Variants in OR2L13 observed in about 807,000 individuals in gnomAD.
The protein encoded by OR2L13 is olfactory receptor family 2 subfamily L member 13, also known as olfactory receptor 2L13.
Under a neutral mutation model 15.3 loss-of-function variants are expected in OR2L13, and 14 were observed. That is an observed-to-expected ratio of 0.91 (90% confidence interval 0.60 to 1.43). The LOEUF is 1.43. OR2L13 is among the 40% of genes most tolerant of loss of function. The probability of loss-of-function intolerance (pLI) is 0.00; values close to 1 mark genes in which losing one functional copy is unlikely to be tolerated. For synonymous variants in OR2L13, 152 were observed against 142.9 expected, an observed-to-expected ratio of 1.06 and a Z score of -0.45; for missense variants, 367 against 387.9, an observed-to-expected ratio of 0.95 and a Z score of 0.45.
the OR2L13 span, chr1:247,965,328 T>G: frequency 1.3e-6 from 2 of 1,542,238 alleles, no homozygotes; most frequent in Middle Eastern, 1.7e-4. Flanking sequence ...GTCAACATTA[T>G]TACATGAACA....
chr1:248,002,927 C>A, the OR2L13 span, among the ~76,000 whole-genome samples: 629 of 151,924 alleles, frequency 4.1e-3, no homozygotes, highest in African/African-American at 0.014. Context: ...AGAAATTGTA[C>A]CAGCTCCACT....
chr1:247,969,920 A>C, the OR2L13 span, among the ~76,000 whole-genome samples: 1 of 152,148 alleles, frequency 6.6e-6, no homozygotes. Flanking sequence ...GAGTGCATAC[A>C]ACATGGGTTG....
chr1:247,966,944 T>C, the OR2L13 span, among the ~76,000 whole-genome samples: 1 of 152,096 alleles, frequency 6.6e-6, no homozygotes, highest in South Asian at 2.1e-4. Flanking sequence ...CAGGTGGCAG[T>C]AGAAAAGAGA....
At chr1:247,949,012 C>T in the OR2L13 span, 6 of 1,613,868 alleles carry the variant, frequency 3.7e-6, no homozygotes, top group East Asian at 1.3e-4. Flanking sequence ...TTCTTGGACA[C>T]CCATCTCCAC....
the OR2L13 span, among the ~76,000 whole-genome samples, chr1:248,058,448 G>T: frequency 6.6e-6 from 1 of 152,152 alleles, no homozygotes; most frequent in Non-Finnish European, 1.5e-5. Flanking sequence ...CCTTATGTCT[G>T]CACCAAGGGG....
At chr1:248,028,922 T>A in the OR2L13 span, among the ~76,000 whole-genome samples, 54 of 152,338 alleles carry the variant, frequency 3.5e-4, no homozygotes, top group African/African-American at 1.2e-3. Context: ...AGTACCGTGG[T>A]TGCACTAGAC....
At chr1:247,956,136 G>A in the OR2L13 span, among the ~76,000 whole-genome samples, 7 of 149,856 alleles carry the variant, frequency 4.7e-5, no homozygotes, top group Admixed American at 1.3e-4. Context: ...TGTAAGGAAG[G>A]GATCCAGTTT....
At chr1:247,954,289 C>T in the OR2L13 span, among the ~76,000 whole-genome samples, 7 of 152,038 alleles carry the variant, frequency 4.6e-5, no homozygotes, top group African/African-American at 1.7e-4. Flanking sequence ...CTTTTAAAGG[C>T]TAAATATCTT....
chr1:248,028,872 C>G, the OR2L13 span, among the ~76,000 whole-genome samples: 1 of 152,178 alleles, frequency 6.6e-6, no homozygotes. Context: ...CCTCCTCTTT[C>G]AGCACATATA....
At chr1:248,022,419 C>T in the OR2L13 span, 2 of 1,614,046 alleles carry the variant, frequency 1.2e-6, no homozygotes, top group African/African-American at 2.7e-5. Context: ...CTCTTGTGCT[C>T]ACACAGTATA....
the OR2L13 span, among the ~76,000 whole-genome samples, chr1:247,972,355 A>G: frequency 2.7e-3 from 188 of 69,520 alleles, 1 homozygote; most frequent in Non-Finnish European, 4.7e-3. Flanking sequence ...AAAGATTAAC[A>G]AAATAGACAA....
chr1:247,959,155 C>T, the OR2L13 span, among the ~76,000 whole-genome samples: 4 of 152,072 alleles, frequency 2.6e-5, no homozygotes, highest in Non-Finnish European at 5.9e-5. Flanking sequence ...CAAAATCTCT[C>T]AGCATTTGCT....
the OR2L13 span, among the ~76,000 whole-genome samples, chr1:247,986,776 C>T: frequency 1.3e-5 from 2 of 152,132 alleles, no homozygotes; most frequent in Non-Finnish European, 1.5e-5. Context: ...TTTGTATCCT[C>T]TTTCATTTCA....
the OR2L13 span, among the ~76,000 whole-genome samples, chr1:248,015,349 C>T: frequency 0.083 from 12,618 of 152,086 alleles, 661 homozygotes; most frequent in East Asian, 0.16. Context: ...TGTGGAGAGC[C>T]GTCCTTGCCT....
At chr1:247,988,865 C>T in the OR2L13 span, among the ~76,000 whole-genome samples, 5 of 152,218 alleles carry the variant, frequency 3.3e-5, no homozygotes, top group South Asian at 1.0e-3. Flanking sequence ...GTTTTTGCTT[C>T]CCTAATGCTT....
chr1:248,070,595 C>T, the OR2L13 span, among the ~76,000 whole-genome samples: 6 of 151,894 alleles, frequency 4.0e-5, no homozygotes, highest in African/African-American at 7.3e-5. Flanking sequence ...CAGATTCAAA[C>T]GCTAGCAGAA....
the OR2L13 span, among the ~76,000 whole-genome samples, chr1:248,026,782 C>G: frequency 6.6e-6 from 1 of 152,158 alleles, no homozygotes; most frequent in Non-Finnish European, 1.5e-5. Flanking sequence ...CCAATCAATA[C>G]GCTTGTGATT....
the OR2L13 span, among the ~76,000 whole-genome samples, chr1:248,087,900 T>C: frequency 1.3e-5 from 2 of 152,210 alleles, no homozygotes; most frequent in African/African-American, 2.4e-5. Flanking sequence ...CTTGAATATA[T>C]GTGACTTAAT....
chr1:247,969,278 C>A, the OR2L13 span, among the ~76,000 whole-genome samples: 4 of 151,842 alleles, frequency 2.6e-5, no homozygotes, highest in African/African-American at 9.7e-5. Context: ...GCAAAATTTT[C>A]TCCCATTCTG....
Sources: allele counts gnomAD v4.1 joint callset (sites outside exome capture counted in the v4.1 genomes callset), GRCh38; gene constraint gnomAD v4.1.1; transcripts MANE v1.5; gene names NCBI Gene and HGNC (gene_info 2026-07-23, HGNC 2026-07-21).